Variants in LDB2 observed in about 807,000 individuals in gnomAD.
LDB2 encodes the protein LIM domain binding 2, also known as LIM domain-binding protein 2.
LDB2 carries 12 observed loss-of-function variants against 44.3 expected under a neutral mutation model. That is an observed-to-expected ratio of 0.27 (90% confidence interval 0.17 to 0.44). The LOEUF (loss-of-function observed/expected upper bound fraction) is 0.44. Among genes scored for constraint, LDB2 ranks in the 20% least tolerant of loss-of-function variants. The pLI is 1.00. For missense variants in LDB2, 344 were observed against 473.5 expected, an observed-to-expected ratio of 0.73 and a Z score of 2.54; for synonymous variants, 164 against 174.8, an observed-to-expected ratio of 0.94 and a Z score of 0.49.
At chr4:16,677,102 A>G (rs1746544041) in intron 2 of LDB2, among the ~76,000 whole-genome samples, 1 of 152,206 alleles carries the variant, frequency 6.6e-6, no homozygotes, top group Admixed American at 6.5e-5. Flanking sequence ...AATAGCGCCT[A>G]TGTGTTGGAG....
At chr4:16,861,089 A>G (rs560222460) in intron 1 of LDB2, among the ~76,000 whole-genome samples, 7 of 152,312 alleles carry the variant, frequency 4.6e-5, no homozygotes, top group Non-Finnish European at 4.4e-5. Flanking sequence ...TGAAGAACAT[A>G]TATATCAAAT....
At chr4:16,519,604 G>A (rs1392973702) in intron 5 of LDB2, among the ~76,000 whole-genome samples, 3 of 149,496 alleles carry the variant, frequency 2.0e-5, no homozygotes, top group Admixed American at 2.0e-4. Context: ...GATGAATCTG[G>A]TTCCAAAACC....
chr4:16,697,101 T>C (rs918478837), intron 2 of LDB2, among the ~76,000 whole-genome samples: 4 of 152,136 alleles, frequency 2.6e-5, no homozygotes, highest in Non-Finnish European at 1.5e-5. Flanking sequence ...TTTCCATCTT[T>C]AGTAAGAATA....
intron 2 of LDB2, among the ~76,000 whole-genome samples, chr4:16,698,689 T>A (rs1012628207): frequency 1.3e-5 from 2 of 152,242 alleles, no homozygotes; most frequent in African/African-American, 2.4e-5. Context: ...TCTTCCTGAT[T>A]TGTCATTCTT....
At position 16,582,605 on chromosome 4, in the gene LDB2, A is replaced by G. The variant is rs1450948222; in HGVS notation, c.615+3317T>C. Among the ~76,000 whole-genome samples, 3 of 152,172 alleles carry G rather than the reference A, an allele frequency of 2.0e-5. No individual in the cohort carries two copies. The highest frequency in any genetic ancestry group is 2.9e-5 in the Non-Finnish European group (2 of 68,016). On this transcript the variant is annotated intron_variant, in intron 5 of 7. Transcript: ENST00000304523. This position sits in a 1 kb window ranked among gnomAD's most constrained non-coding sequence, Gnocchi z 4.8. ...TGCTTCGTGAAACCCACCACCCGGT[A>G]TCGGAATACCCAACAGCAACAAAAT... is the stretch of plus-strand genomic sequence containing the variant.
At chr4:16,619,724 C>A (rs760434256) in intron 2 of LDB2, among the ~76,000 whole-genome samples, 2 of 151,320 alleles carry the variant, frequency 1.3e-5, no homozygotes, top group Non-Finnish European at 2.9e-5. Context: ...TGGATAATAT[C>A]GGTTGTCAAG....
intron 2 of LDB2, among the ~76,000 whole-genome samples, chr4:16,730,544 C>A (rs148947822): frequency 6.6e-5 from 10 of 152,272 alleles, no homozygotes; most frequent in African/African-American, 2.4e-4. Flanking sequence ...ACAAACCAAG[C>A]ACTTCCCATA....
At chr4:16,548,903 A>G (rs1736703675) in intron 5 of LDB2, among the ~76,000 whole-genome samples, 1 of 152,232 alleles carries the variant, frequency 6.6e-6, no homozygotes, top group Non-Finnish European at 1.5e-5. Flanking sequence ...AGGAGAAGGA[A>G]TAGGATTTCT....
At chr4:16,726,939 TTA>T (rs1162697064) in intron 2 of LDB2, among the ~76,000 whole-genome samples, 1 of 152,176 alleles carries the variant, frequency 6.6e-6, no homozygotes, top group Non-Finnish European at 1.5e-5. Flanking sequence ...CATATGTACA[TTA>T]TGTGTGTGTG....
At chr4:16,557,135 C>T (rs999655728) in intron 5 of LDB2, among the ~76,000 whole-genome samples, 2 of 152,200 alleles carry the variant, frequency 1.3e-5, no homozygotes, top group Non-Finnish European at 2.9e-5. Flanking sequence ...CTATAGCTCC[C>T]AGCGTGAGCG....
At chr4:16,529,246 C>T (rs1268472993) in intron 5 of LDB2, among the ~76,000 whole-genome samples, 2 of 152,108 alleles carry the variant, frequency 1.3e-5, no homozygotes, top group South Asian at 2.1e-4. Flanking sequence ...ATCAATTACC[C>T]CCATCTTAGT....
At chr4:16,841,090 C>T (rs1286978278) in intron 1 of LDB2, among the ~76,000 whole-genome samples, 1 of 152,172 alleles carries the variant, frequency 6.6e-6, no homozygotes, top group African/African-American at 2.4e-5. Flanking sequence ...ACCACATATG[C>T]CCGGACTTAT....
At position 16,852,301 on chromosome 4, in the gene LDB2, G is replaced by A. The variant is rs1580231556; in HGVS notation, c.132+46053C>T. 7.9e-5 allele frequency among the ~76,000 whole-genome samples: 12 copies of A among 152,232 alleles called. No individual in the cohort carries two copies. In the South Asian group the frequency reaches 2.5e-3, roughly 32 times the overall value. On this transcript the variant is annotated intron_variant, in intron 1 of 7. Coordinates refer to ENST00000304523, the MANE Select transcript of LDB2 (RefSeq NM_001290.5). ...ATCCTGTGTCCTACCCATGACTAGGGAGGAAGGAAATGTTCCTTCTGCTGT... is the reference window on the plus strand; with the variant it reads ...ATCCTGTGTCCTACCCATGACTAGGAAGGAAGGAAATGTTCCTTCTGCTGT...
At chr4:16,871,623 T>TTTTC (rs199550949) in intron 1 of LDB2, among the ~76,000 whole-genome samples, 90 of 131,154 alleles carry the variant, frequency 6.9e-4, no homozygotes, top group Middle Eastern at 8.3e-3. Flanking sequence ...CACTCTTTCT[T>TTTTC]TTTTTTTTTT....
At chr4:16,830,510 A>G (rs1270184185) in intron 1 of LDB2, among the ~76,000 whole-genome samples, 1 of 152,240 alleles carries the variant, frequency 6.6e-6, no homozygotes, top group Non-Finnish European at 1.5e-5. Flanking sequence ...CAGTGTAAGA[A>G]CAGACTAATC....
intron 2 of LDB2, among the ~76,000 whole-genome samples, chr4:16,634,155 A>C: frequency 6.6e-6 from 1 of 152,214 alleles, no homozygotes; most frequent in East Asian, 1.9e-4. Flanking sequence ...AAGACCATGA[A>C]AATCCTACAA....
At chr4:16,676,414 A>G (rs900039580) in intron 2 of LDB2, among the ~76,000 whole-genome samples, 3 of 152,232 alleles carry the variant, frequency 2.0e-5, no homozygotes, top group African/African-American at 4.8e-5. Flanking sequence ...GCTCTGAGGT[A>G]TCTTAAGGGG....
At chr4:16,558,711 G>A (rs1024450111) in intron 5 of LDB2, among the ~76,000 whole-genome samples, 7 of 151,820 alleles carry the variant, frequency 4.6e-5, no homozygotes, top group East Asian at 1.9e-4. Context: ...TACAGAGAAC[G>A]CCACAAAGAT....
At chr4:16,721,571 CAA>C (rs1224974003) in intron 2 of LDB2, among the ~76,000 whole-genome samples, 2 of 151,950 alleles carry the variant, frequency 1.3e-5, no homozygotes, top group African/African-American at 2.4e-5. Context: ...GATCATCCAA[CAA>C]AAAAACTGAG....
Sources: allele counts gnomAD v4.1 joint callset (sites outside exome capture counted in the v4.1 genomes callset), GRCh38; gene constraint gnomAD v4.1.1; non-coding constraint Gnocchi (gnomAD v3.1); transcripts MANE v1.5; gene names NCBI Gene and HGNC (gene_info 2026-07-23, HGNC 2026-07-21).